VWC2L: variants seen among roughly 807,000 people sequenced by gnomAD.
VWC2L encodes von Willebrand factor C domain containing 2 like.
Under a neutral mutation model 21.6 loss-of-function variants are expected in VWC2L, and 10 were observed. That is an observed-to-expected ratio of 0.46 (90% CI 0.29 to 0.78). VWC2L has a LOEUF of 0.78. Ranked by LOEUF, VWC2L falls within the 30% of genes least tolerant of loss-of-function variation. The pLI, the probability that VWC2L is intolerant of heterozygous loss-of-function variation, is 0.10. For synonymous variants in VWC2L, 96 were observed against 94.3 expected (o/e 1.02, Z -0.10); for missense variants, 209 against 277.1 (o/e 0.75, Z 1.74).
At chr2:214,439,116 G>A (rs1490842285) in intron 3 of VWC2L, among the ~76,000 whole-genome samples, 1 of 151,998 alleles carries the variant, frequency 6.6e-6, no homozygotes, top group African/African-American at 2.4e-5. Context: ...TGCCAAAGAA[G>A]AGTATATCAA....
intron 3 of VWC2L, among the ~76,000 whole-genome samples, chr2:214,566,502 T>TA (rs1327498165): frequency 6.6e-6 from 1 of 152,186 alleles, no homozygotes; most frequent in Non-Finnish European, 1.5e-5. Flanking sequence ...AATTTTCAAA[T>TA]AAAATGATTA....
intron 3 of VWC2L, among the ~76,000 whole-genome samples, chr2:214,471,147 G>T (rs1283553637): frequency 6.6e-6 from 1 of 152,078 alleles, no homozygotes; most frequent in Non-Finnish European, 1.5e-5. Flanking sequence ...TGAGGAACAT[G>T]ACACTATCCA....
chr2:214,519,235 T>C (rs946490471), intron 3 of VWC2L, among the ~76,000 whole-genome samples: 3 of 152,118 alleles, frequency 2.0e-5, no homozygotes, highest in South Asian at 2.1e-4. Flanking sequence ...TCCCACTTCT[T>C]ACCCATGTAC....
intron 3 of VWC2L, among the ~76,000 whole-genome samples, chr2:214,494,805 G>A (rs554028841): frequency 1.1e-4 from 16 of 151,010 alleles, no homozygotes; most frequent in African/African-American, 3.9e-4. Flanking sequence ...TTCTAATTTG[G>A]TGTCTTGGGT....
intron 3 of VWC2L, among the ~76,000 whole-genome samples, chr2:214,539,582 AAAC>A (rs1309952239): frequency 3.9e-5 from 6 of 152,308 alleles, no homozygotes; most frequent in African/African-American, 1.4e-4. Flanking sequence ...TGTTATTGAA[AAAC>A]AACGTTAACC....
chr2:214,448,651 A>C (rs1034039663), intron 3 of VWC2L, among the ~76,000 whole-genome samples: 1 of 152,168 alleles, frequency 6.6e-6, no homozygotes, highest in Admixed American at 6.6e-5. Flanking sequence ...GACTTCATGT[A>C]ATGTGTGGGT....
At chr2:214,539,411 C>G (rs1286967134) in intron 3 of VWC2L, among the ~76,000 whole-genome samples, 2 of 152,116 alleles carry the variant, frequency 1.3e-5, no homozygotes, top group Non-Finnish European at 2.9e-5. Flanking sequence ...AGTTGACTGT[C>G]AGTATAGTTA....
Position 214,575,901 on chromosome 2 carries a change from C to T in VWC2L, c.*81C>T. The T allele has an allele frequency of 6.8e-7, 1 of 1,460,470 alleles. No individual in the cohort carries two copies. The highest frequency in any genetic ancestry group is 9.2e-7 in the Non-Finnish European group (1 of 1,085,274). 90.5% of individuals were successfully genotyped at this position (1,460,470 alleles called of 1,614,324 possible). A position where few individuals can be genotyped will look rare whatever the true frequency, so the allele number is the denominator to read the frequency against. On this transcript the variant is annotated 3_prime_UTR_variant, in exon 4 of 4. Transcript: ENST00000312504. The stretch of plus-strand genomic sequence containing the variant: ...TGCACATGTTTAACACAAAACAAAA[C>T]AAACAAACTCCTGCCAGCTACAACA...
At chr2:214,552,246 T>C (rs1336311909) in intron 3 of VWC2L, among the ~76,000 whole-genome samples, 1 of 152,204 alleles carries the variant, frequency 6.6e-6, no homozygotes, top group Non-Finnish European at 1.5e-5. Flanking sequence ...GCCCTGATCT[T>C]TAAAGAAAGA....
At chr2:214,477,285 G>A (rs1448437266) in intron 3 of VWC2L, among the ~76,000 whole-genome samples, 2 of 152,222 alleles carry the variant, frequency 1.3e-5, no homozygotes, top group Non-Finnish European at 2.9e-5. Context: ...AATGGAAGGA[G>A]CCAGGATGTT....
At chr2:214,427,710 T>C (rs961180359) in intron 2 of VWC2L, among the ~76,000 whole-genome samples, 6 of 152,174 alleles carry the variant, frequency 3.9e-5, no homozygotes, top group Non-Finnish European at 4.4e-5. Context: ...AACTGTAAGA[T>C]ACAAATTTCT....
chr2:214,526,486 G>C (rs532674401), intron 3 of VWC2L, among the ~76,000 whole-genome samples: 1 of 152,166 alleles, frequency 6.6e-6, no homozygotes, highest in Non-Finnish European at 1.5e-5. Flanking sequence ...GTATTTAAGA[G>C]TAAAACCACA....
At chr2:214,523,550 A>G (rs1473035446) in intron 3 of VWC2L, among the ~76,000 whole-genome samples, 2 of 152,222 alleles carry the variant, frequency 1.3e-5, no homozygotes, top group East Asian at 3.8e-4. Flanking sequence ...TTATTGTTTA[A>G]ATTTGAGGTT....
At chr2:214,470,011 G>A (rs1415527176) in intron 3 of VWC2L, among the ~76,000 whole-genome samples, 5 of 151,806 alleles carry the variant, frequency 3.3e-5, no homozygotes, top group South Asian at 2.1e-4. Flanking sequence ...TAAACAGTTC[G>A]GAAAAAAAAG....
chr2:214,508,389 A>G (rs1188473224), intron 3 of VWC2L, among the ~76,000 whole-genome samples: 1 of 152,102 alleles, frequency 6.6e-6, no homozygotes, highest in Non-Finnish European at 1.5e-5. Context: ...TCCCCTTTTC[A>G]TCCCACATTT....
intron 3 of VWC2L, among the ~76,000 whole-genome samples, chr2:214,482,667 T>A (rs957653478): frequency 1.5e-4 from 22 of 149,918 alleles, no homozygotes; most frequent in African/African-American, 3.4e-4. Context: ...ATATATATTT[T>A]TTTTTCTTTA....
chr2:214,423,685 C>A (rs1702476268), intron 2 of VWC2L, among the ~76,000 whole-genome samples: 1 of 152,016 alleles, frequency 6.6e-6, no homozygotes, highest in Non-Finnish European at 1.5e-5. Context: ...GTCAAACTAG[C>A]CTAAGTTTCC....
chr2:214,567,573 CACACACACACACACACACACACAG>C (rs1559333780), intron 3 of VWC2L, among the ~76,000 whole-genome samples: 2 of 141,916 alleles, frequency 1.4e-5, no homozygotes, highest in East Asian at 2.0e-4. Context: ...CACACACACA[CACACACACACACACACACACACAG>C]AGAGAGAGAG....
intron 3 of VWC2L, among the ~76,000 whole-genome samples, chr2:214,450,547 T>C (rs1322119447): frequency 6.6e-6 from 1 of 152,252 alleles, no homozygotes; most frequent in Non-Finnish European, 1.5e-5. Context: ...ATTTTCCTAA[T>C]GTGGTGCATT....
Sources: gnomAD v4.1 joint callset for allele counts (sites outside exome capture counted in the v4.1 genomes callset) on GRCh38, gnomAD v4.1.1 for gene constraint, MANE v1.5 for transcripts, NCBI Gene and HGNC (gene_info 2026-07-23, HGNC 2026-07-21) for gene names.